Variants in ADCY7 observed in about 807,000 individuals in gnomAD.
ADCY7 encodes adenylate cyclase 7, also known as adenylate cyclase type 7.
A neutral mutation model predicts 120.6 loss-of-function variants in ADCY7; 72 were observed. The ratio of observed to expected loss-of-function variants is 0.60; its 90% CI spans 0.49 to 0.73. The LOEUF (loss-of-function observed/expected upper bound fraction) is 0.73. Among genes scored for constraint, ADCY7 ranks in the 30% least tolerant of loss-of-function variants. The pLI is 0.00. For synonymous variants in ADCY7, 661 were observed against 628.0 expected (o/e 1.05, Z -0.78); for missense variants, 1,227 against 1,486.0 (o/e 0.83, Z 2.87).
In ADCY7 at chr16:50,304,564, C is replaced by T; in HGVS notation, c.1560+13C>T. ...GCGGAGGCCTAAGGTAGGTCCCCCT[C>T]CCACCCAGAAAGCCAGGGATTGGGG... is the stretch of plus-strand genomic sequence containing the variant. On this transcript the variant is annotated intron_variant, in intron 11 of 25. Transcript: ENST00000673801. 6.6e-7 allele frequency: 1 copy of T among 1,522,448 alleles called. No homozygotes were observed. The highest frequency in any genetic ancestry group is 8.8e-7 in the Non-Finnish European group (1 of 1,133,814). The allele number at this position is 1,522,448 out of a possible 1,614,324, so 94.3% of individuals were successfully genotyped here.
chr16:50,260,711 C>A (rs1307863894), intron 1 of ADCY7, among the ~76,000 whole-genome samples: 1 of 152,192 alleles, frequency 6.6e-6, no homozygotes, highest in Non-Finnish European at 1.5e-5. Flanking sequence ...TCCAAGGCAG[C>A]TTTGTCACAT....
chr16:50,255,379 T>C (rs991500790), intron 1 of ADCY7, among the ~76,000 whole-genome samples: 4 of 116,964 alleles, frequency 3.4e-5, no homozygotes, highest in African/African-American at 1.3e-4. Flanking sequence ...CTACCATGCC[T>C]GGCCCATAAG....
intron 1 of ADCY7, among the ~76,000 whole-genome samples, chr16:50,251,315 G>A (rs779006235): frequency 6.6e-6 from 1 of 152,144 alleles, no homozygotes; most frequent in African/African-American, 2.4e-5. Flanking sequence ...ATTACTTCCC[G>A]GTACTTAAAA....
chr16:50,271,762 G>C (rs1169389275), intron 1 of ADCY7, among the ~76,000 whole-genome samples: 3 of 152,162 alleles, frequency 2.0e-5, no homozygotes, highest in Non-Finnish European at 2.9e-5. Flanking sequence ...ACTGCTGCTT[G>C]GCTGTGTCCT....
chr16:50,279,250 A>C (rs935114004), intron 1 of ADCY7, among the ~76,000 whole-genome samples: 5 of 152,118 alleles, frequency 3.3e-5, no homozygotes, highest in African/African-American at 1.2e-4. Flanking sequence ...GTGGGGCCCT[A>C]GGCAATGTGG....
chr16:50,294,780 G>A (rs747150860), intron 7 of ADCY7, 29 bp downstream of exon 7: 5 of 1,531,132 alleles, frequency 3.3e-6, no homozygotes, highest in African/African-American at 2.7e-5. Context: ...AATGGGCAAA[G>A]CCAGGCCCCT....
At chr16:50,255,074 C>A (rs1195633476) in intron 1 of ADCY7, among the ~76,000 whole-genome samples, 2 of 147,038 alleles carry the variant, frequency 1.4e-5, no homozygotes, top group African/African-American at 5.1e-5. Flanking sequence ...TTGCTTGAGG[C>A]CAGAAGTTTG....
intron 7 of ADCY7, among the ~76,000 whole-genome samples, chr16:50,295,345 ATTTTTTTT>A (rs67137852): frequency 1.8e-3 from 147 of 82,748 alleles, no homozygotes; most frequent in African/African-American, 6.1e-3. Context: ...CGCCTGGCTA[ATTTTTTTT>A]TTTTTTTTTT....
Position 50,316,237 on chromosome 16 carries a change from G to A in ADCY7, c.*732G>A, listed in dbSNP as rs1420489273. 1 of 152,396 alleles carries A rather than the reference G, an allele frequency of 6.6e-6. No individual in the cohort carries two copies. Among genetic ancestry groups the A allele is most frequent in the African/African-American group, 2.4e-5 (1 of 41,428 alleles). 9.4% of individuals were successfully genotyped at this position (152,396 alleles called of 1,614,324 possible). Reference sequence around the variant, plus strand: ...TAAGGAGGACTACTGTCTAGCATCAGCTTATGGGGTCAGCTGGCTGTGGGG... The same window carrying A: ...TAAGGAGGACTACTGTCTAGCATCAACTTATGGGGTCAGCTGGCTGTGGGG... On this transcript the variant is annotated 3_prime_UTR_variant, in exon 26 of 26. Coordinates refer to ENST00000673801, the MANE Select transcript of ADCY7 (RefSeq NM_001114.5).
chr16:50,313,687 T>G, intron 22 of ADCY7: 1 of 407,846 alleles, frequency 2.5e-6, no homozygotes, highest in Non-Finnish European at 4.4e-6. Context: ...TACATTCCTG[T>G]GTAGATAATG....
intron 1 of ADCY7, among the ~76,000 whole-genome samples, chr16:50,269,495 G>T (rs2033425509): frequency 6.6e-6 from 1 of 152,210 alleles, no homozygotes; most frequent in African/African-American, 2.4e-5. Flanking sequence ...GAGAGAAGAG[G>T]TAGGACGAGG....
At chr16:50,304,223 G>A in intron 10 of ADCY7, 137 bp from the exon 11 acceptor site, 1 of 926,652 alleles carries the variant, frequency 1.1e-6, no homozygotes, top group Non-Finnish European at 1.5e-6. Flanking sequence ...TGCGGGTTGA[G>A]CAACTTCTTT....
intron 2 of ADCY7, among the ~76,000 whole-genome samples, chr16:50,289,540 G>C (rs867179797): frequency 1.3e-5 from 2 of 152,224 alleles, no homozygotes; most frequent in African/African-American, 2.4e-5. Context: ...AACTTGGCTC[G>C]CTGCAGCCTC....
rs768231475 is a variant in ADCY7 at position 50,304,492 on chromosome 16, A to G, written c.1501A>G (p.Asn501Asp). 6.2e-7 allele frequency: 1 copy of G among 1,605,636 alleles called. No individual in the cohort carries two copies. The highest frequency in any genetic ancestry group is 2.2e-5 in the East Asian group (1 of 44,690). Residue 501 changes from asparagine (N) to aspartate (D), a missense_variant, in exon 11 of 26, where the codon AAC becomes GAC. By Grantham distance (23) the Asn-to-Asp change is conservative. Transcript: ENST00000673801. ...WGAARPFAHLNHRESVSSGET... is the reference protein window; with the variant it reads ...WGAARPFAHLDHRESVSSGET... ...GGCGGCACGGCCCTTTGCACATCTC[A>G]ACCACCGTGAGAGCGTGAGCAGTGG...
chr16:50,302,894 A>T (rs2035824588), intron 10 of ADCY7, among the ~76,000 whole-genome samples: 1 of 152,186 alleles, frequency 6.6e-6, no homozygotes, highest in African/African-American at 2.4e-5. Flanking sequence ...GATTTTCTGC[A>T]CTGGCTTCTA....
chr16:50,305,964 C>A, intron 14 of ADCY7, 115 bp downstream of exon 14: 2 of 1,001,076 alleles, frequency 2.0e-6, no homozygotes, highest in Non-Finnish European at 3.1e-6. Context: ...AGGGGAGGGG[C>A]ACTGAGAATC....
intron 6 of ADCY7, among the ~76,000 whole-genome samples, chr16:50,293,852 C>T (rs1185267467): frequency 6.6e-6 from 1 of 152,214 alleles, no homozygotes; most frequent in Non-Finnish European, 1.5e-5. Flanking sequence ...TGAGGTAAAG[C>T]CCCCCGGCCT....
upstream of ADCY7, among the ~76,000 whole-genome samples, chr16:50,263,038 G>GCC (rs1281806903): frequency 1.3e-5 from 2 of 152,212 alleles, no homozygotes; most frequent in Non-Finnish European, 2.9e-5. Context: ...GGAGGGTCAG[G>GCC]AGCATGGGTT....
chr16:50,274,611 C>A (rs2033769521), intron 1 of ADCY7, among the ~76,000 whole-genome samples: 1 of 152,140 alleles, frequency 6.6e-6, no homozygotes, highest in East Asian at 1.9e-4. Context: ...TGGTTTGGGG[C>A]TGGGCACTTT....
Sources: allele counts gnomAD v4.1 joint callset (sites outside exome capture counted in the v4.1 genomes callset), GRCh38; gene constraint gnomAD v4.1.1; transcripts MANE v1.5; gene names NCBI Gene and HGNC (gene_info 2026-07-23, HGNC 2026-07-21).